The following PACC1 variants were observed in gnomAD, a reference collection of about 807,000 sequenced individuals.
PACC1 encodes the protein proton-activated chloride channel.
In PACC1, 34 loss-of-function variants were observed where a neutral mutation model predicts 39.7. The ratio of observed to expected loss-of-function variants is 0.86; its 90% CI spans 0.65 to 1.14. The LOEUF (loss-of-function observed/expected upper bound fraction) is 1.14, where lower values mean the gene tolerates loss of function less well. PACC1 is among the 50% of genes most tolerant of loss of function. The probability of loss-of-function intolerance (pLI) is 0.00; values close to 1 mark genes in which losing one functional copy is unlikely to be tolerated. For missense variants in PACC1, 379 were observed against 436.4 expected (o/e 0.87, Z 1.17); for synonymous variants, 127 against 160.6 (o/e 0.79, Z 1.58).
chr1:212,398,810 G>A (rs1446885129), intron 2 of PACC1, among the ~76,000 whole-genome samples: 4 of 152,074 alleles, frequency 2.6e-5, no homozygotes, highest in Admixed American at 6.6e-5. Context: ...GTCCTTCTCC[G>A]TGAGTCTTGC....
At chr1:212,370,790 G>A (rs1302507427) in intron 7 of PACC1, among the ~76,000 whole-genome samples, 1 of 152,098 alleles carries the variant, frequency 6.6e-6, no homozygotes, top group East Asian at 1.9e-4. Context: ...TACAGCAAAA[G>A]CAGTACTAAG....
intron 2 of PACC1, among the ~76,000 whole-genome samples, chr1:212,404,170 G>A (rs905881971): frequency 6.6e-5 from 10 of 151,632 alleles, no homozygotes; most frequent in Non-Finnish European, 1.2e-4. Context: ...ACAGTGGCGC[G>A]ATCTCAGCTC....
intron 2 of PACC1, among the ~76,000 whole-genome samples, chr1:212,402,290 G>A (rs1661745442): frequency 6.6e-6 from 1 of 152,180 alleles, no homozygotes; most frequent in Admixed American, 6.5e-5. Flanking sequence ...AGCAACGTAT[G>A]GGGGTTCCAA....
In PACC1 at chr1:212,386,014, C is replaced by T. The variant is rs1431427849; in HGVS notation, c.344-589G>A. On this transcript the variant is annotated intron_variant, in intron 3 of 7. Coordinates refer to ENST00000261455, the MANE Select transcript of PACC1 (RefSeq NM_018252.3). This position sits in a 1 kb window ranked among gnomAD's most constrained non-coding sequence, Gnocchi z 5.0. ...CACCAGACAGAGAAAGTAAAACGTACAGATAAAGAAGACTCAAGCAGACAC... is the reference window on the plus strand; with the variant it reads ...CACCAGACAGAGAAAGTAAAACGTATAGATAAAGAAGACTCAAGCAGACAC... Among the ~76,000 whole-genome samples the T allele has an allele frequency of 1.3e-5, 2 of 152,070 alleles. No individual in the cohort carries two copies. Among genetic ancestry groups the T allele is most frequent in the Non-Finnish European group, 2.9e-5 (2 of 68,014 alleles).
chr1:212,392,871 A>C (rs1352635984), intron 2 of PACC1, among the ~76,000 whole-genome samples: 2 of 151,820 alleles, frequency 1.3e-5, no homozygotes, highest in East Asian at 3.9e-4. Context: ...GGATCAATTC[A>C]ACAAGAAGAG....
chr1:212,413,919 C>T, intron 1 of PACC1: 2 of 1,534,766 alleles, frequency 1.3e-6, no homozygotes, highest in South Asian at 2.4e-5. Context: ...TGACTTTGGC[C>T]AATGAGGCGG....
At chr1:212,393,894 T>C (rs566533688) in intron 2 of PACC1, among the ~76,000 whole-genome samples, 2,020 of 152,016 alleles carry the variant, frequency 0.013, 8 homozygotes, top group South Asian at 0.029. Context: ...CAGGAAGAAG[T>C]TGAATCTCTG....
At chr1:212,383,030 C>G (rs986742930) in intron 4 of PACC1, among the ~76,000 whole-genome samples, 2 of 152,196 alleles carry the variant, frequency 1.3e-5, no homozygotes, top group Non-Finnish European at 2.9e-5. Flanking sequence ...CTCTACTGCT[C>G]TCATCATATT....
intron 2 of PACC1, among the ~76,000 whole-genome samples, chr1:212,407,631 T>C (rs1287782521): frequency 6.6e-6 from 1 of 152,242 alleles, no homozygotes; most frequent in African/African-American, 2.4e-5. Flanking sequence ...CTTATTGTTT[T>C]GTGTGAGTGT....
In PACC1 at chr1:212,366,046, C is replaced by T. The variant is rs187703895; in HGVS notation, c.892-670G>A. On this transcript the variant is annotated intron_variant, in intron 7 of 7. Transcript: ENST00000261455. ...AGTCCTCTGCTCTTTTCCCCATCTA[C>T]GATGCTTTCCTCCTGTCTAGGTTTA... Among the ~76,000 whole-genome samples, 29 of 152,290 alleles carry T rather than the reference C, an allele frequency of 1.9e-4. No individual in the cohort carries two copies. In the East Asian group the frequency reaches 5.2e-3, roughly 27 times the overall value.
intron 2 of PACC1, among the ~76,000 whole-genome samples, chr1:212,395,854 C>T (rs576891184): frequency 6.6e-6 from 1 of 152,270 alleles, no homozygotes; most frequent in South Asian, 2.1e-4. Context: ...CATCACTGGC[C>T]ATCAGAGAAA....
rs566688305 is a variant in PACC1, at chr1:212,375,127, TCTATCATAATCTTAAATAATA to T, written c.891+45_891+65del. On this transcript the variant is annotated intron_variant, in intron 7 of 7. Transcript: ENST00000261455. Reference sequence around the variant, plus strand: ...CAGCATCATAATCTTAAATAATACATCTATCATAATCTTAAATAATACTATCATAATCTTAAATAATACTAT... The same window carrying T: ...CAGCATCATAATCTTAAATAATACATCTATCATAATCTTAAATAATACTAT... 169 of 1,276,852 alleles carry T rather than the reference TCTATCATAATCTTAAATAATA, an allele frequency of 1.3e-4. 1 individual carries two copies. The Middle Eastern group carries it at 1.8e-3, about 14-fold the overall frequency. The allele number at this position is 1,276,852 out of a possible 1,614,324, so 79.1% of individuals were successfully genotyped here. A position where few individuals can be genotyped will look rare whatever the true frequency, so the allele number is the denominator to read the frequency against.
At chr1:212,410,607 TG>T in intron 1 of PACC1, 86 bp from the exon 2 acceptor site, 1 of 1,237,120 alleles carries the variant, frequency 8.1e-7, no homozygotes, top group Non-Finnish European at 1.2e-6. Flanking sequence ...AGAAGCTGCT[TG>T]TCACTTAATT....
At chr1:212,409,949 G>C (rs1662061092) in intron 2 of PACC1, among the ~76,000 whole-genome samples, 1 of 152,220 alleles carries the variant, frequency 6.6e-6, no homozygotes, top group African/African-American at 2.4e-5. Flanking sequence ...TAAGGGAGCA[G>C]CGTGTATCCG....
At chr1:212,367,402 G>T (rs566665581) in intron 7 of PACC1, among the ~76,000 whole-genome samples, 31 of 152,248 alleles carry the variant, frequency 2.0e-4, no homozygotes, top group Non-Finnish European at 3.5e-4. Context: ...AACTTCACAA[G>T]GGAAAACAGC....
rs189089160 is a variant in PACC1, at chr1:212,399,487, G to C, written c.133+10938C>G. Among the ~76,000 whole-genome samples, 328 of 151,668 alleles carry C rather than the reference G, an allele frequency of 2.2e-3. 5 individuals carry two copies. Among genetic ancestry groups the C allele is most frequent in the African/African-American group, 7.7e-3 (320 of 41,324 alleles). ...CACTTTTTTTTTTTTTAAGAGACAC[G>C]GTCTCACTCTGTCACTCAGGCTGGA... On this transcript the variant is annotated intron_variant, in intron 2 of 7. Coordinates refer to ENST00000261455, the MANE Select transcript of PACC1 (RefSeq NM_018252.3).
intron 2 of PACC1, among the ~76,000 whole-genome samples, chr1:212,407,527 C>T (rs1340892201): frequency 6.6e-6 from 1 of 152,182 alleles, no homozygotes; most frequent in Non-Finnish European, 1.5e-5. Context: ...GTTGTTCTCC[C>T]GGGAGCCTTA....
chr1:212,395,914 G>A (rs1290315507), intron 2 of PACC1, among the ~76,000 whole-genome samples: 4 of 152,138 alleles, frequency 2.6e-5, no homozygotes, highest in Non-Finnish European at 5.9e-5. Flanking sequence ...TTAGAATGGC[G>A]ATCATTAAAA....
At chr1:212,372,165 A>G (rs1660481986) in intron 7 of PACC1, among the ~76,000 whole-genome samples, 1 of 152,042 alleles carries the variant, frequency 6.6e-6, no homozygotes, top group Non-Finnish European at 1.5e-5. Context: ...TGCACCTGTA[A>G]TCCCAGCTAC....
Sources: gnomAD v4.1 joint callset for allele counts (sites outside exome capture counted in the v4.1 genomes callset) on GRCh38, gnomAD v4.1.1 for gene constraint, Gnocchi (gnomAD v3.1) non-coding constraint, MANE v1.5 for transcripts, NCBI Gene and HGNC (gene_info 2026-07-23, HGNC 2026-07-21) for gene names.